TRPM1: variants seen among roughly 807,000 people sequenced by gnomAD.
TRPM1 encodes the protein transient receptor potential cation channel subfamily M member 1.
A neutral mutation model predicts 149.4 loss-of-function variants in TRPM1; 113 were observed. That is an observed-to-expected ratio of 0.76 (90% CI 0.65 to 0.88). The LOEUF is 0.88. TRPM1 is among the 40% of genes least tolerant of loss of function. The probability of loss-of-function intolerance (pLI) is 0.00; values close to 1 mark genes in which losing one functional copy is unlikely to be tolerated. For synonymous variants in TRPM1, 741 were observed against 759.5 expected (o/e 0.98, Z 0.40); for missense variants, 1,976 against 2,038.7 (o/e 0.97, Z 0.59).
intron 1 of TRPM1, among the ~76,000 whole-genome samples, chr15:31,143,335 A>G (rs1057366321): frequency 2.6e-5 from 4 of 152,192 alleles, no homozygotes; most frequent in Admixed American, 6.5e-5. Context: ...ACGAGTTTTT[A>G]CAGCTTTTTA....
At chr15:31,060,232 G>C (rs1238738003) in intron 11 of TRPM1, 2 of 437,464 alleles carry the variant, frequency 4.6e-6, no homozygotes, top group East Asian at 9.8e-5. Context: ...TGGAAGCATT[G>C]CATTAAATTT....
intron 1 of TRPM1, among the ~76,000 whole-genome samples, chr15:31,136,394 C>G (rs546516160): frequency 7.9e-5 from 12 of 152,214 alleles, no homozygotes; most frequent in African/African-American, 2.9e-4. Context: ...CATTTATAAT[C>G]GGAAGGCATT....
chr15:31,026,410 ATTTTTATCT>A, intron 26 of TRPM1, 139 bp from the exon 27 acceptor site: 1 of 1,049,734 alleles, frequency 9.5e-7, no homozygotes, highest in Admixed American at 2.0e-5. Flanking sequence ...ACTCCAATTG[ATTTTTATCT>A]AAAAAGGGGT....
chr15:31,035,522 G>T (rs775666180), intron 21 of TRPM1, 24 bp downstream of exon 21: 2 of 1,613,962 alleles, frequency 1.2e-6, no homozygotes, highest in South Asian at 1.1e-5. Context: ...TTAGTGGGCT[G>T]GGGGAGGCCT....
intron 1 of TRPM1, among the ~76,000 whole-genome samples, chr15:31,107,709 A>G (rs2035627495): frequency 6.6e-6 from 1 of 152,002 alleles, no homozygotes; most frequent in Non-Finnish European, 1.5e-5. Flanking sequence ...TTTCCCTCTG[A>G]GCACTATTTT....
chr15:31,046,591 C>T (rs997030400), intron 15 of TRPM1, among the ~76,000 whole-genome samples: 2 of 152,130 alleles, frequency 1.3e-5, no homozygotes, highest in African/African-American at 4.8e-5. Flanking sequence ...GGGAAAGGCA[C>T]TGATAGTGGG....
In TRPM1 at chr15:31,023,934, A is replaced by G. The variant is rs147579766; in HGVS notation, c.3629+2205T>C. Reference sequence around the variant, plus strand: ...GTTAGCATTTTATAGGTAAATTTCCAAACATTAGGAGAGAACCATGAATTT... The same window carrying G: ...GTTAGCATTTTATAGGTAAATTTCCGAACATTAGGAGAGAACCATGAATTT... On this transcript the variant is annotated intron_variant, in intron 27 of 27. Coordinates refer to ENST00000256552, the MANE Select transcript of TRPM1 (RefSeq NM_001252024.2). Among the ~76,000 whole-genome samples, 1,233 of 152,340 alleles carry G rather than the reference A, an allele frequency of 8.1e-3. 13 individuals carry two copies. The highest frequency in any genetic ancestry group is 0.025 in the African/African-American group (1,044 of 41,560).
intron 1 of TRPM1, among the ~76,000 whole-genome samples, chr15:31,109,890 AGGACAATAATGCT>A (rs1207044873): frequency 6.6e-6 from 1 of 152,154 alleles, no homozygotes; most frequent in Non-Finnish European, 1.5e-5. Flanking sequence ...GCAAAGAAAG[AGGACAATAATGCT>A]GGGGACAGAG....
rs8042443 is a variant in TRPM1 at position 31,046,158 on chromosome 15, A to G, written c.1794+46T>C. ...TACAGAACTTAAAAGGGCTATGTAT[A>G]TTTGACCAGGATATTATAAAACTGT... On this transcript the variant is annotated intron_variant, in intron 16 of 27. Transcript: ENST00000256552. 3.4e-3 allele frequency: 5,373 copies of G among 1,596,126 alleles called. 151 individuals are homozygous for G. The African/African-American group carries it at 0.059, about 18-fold the overall frequency.
intron 1 of TRPM1, among the ~76,000 whole-genome samples, chr15:31,090,722 A>G (rs2035213408): frequency 6.6e-6 from 1 of 152,064 alleles, no homozygotes; most frequent in Admixed American, 6.5e-5. Flanking sequence ...AAGCTTTACT[A>G]TTAAGGCCAT....
intron 1 of TRPM1, among the ~76,000 whole-genome samples, chr15:31,137,994 G>T (rs1263752276): frequency 6.6e-6 from 1 of 152,144 alleles, no homozygotes; most frequent in Non-Finnish European, 1.5e-5. Flanking sequence ...CCGCATGTGT[G>T]TGGGAACTGG....
At chr15:31,078,402 C>A (rs964981873) in intron 2 of TRPM1, among the ~76,000 whole-genome samples, 2 of 152,198 alleles carry the variant, frequency 1.3e-5, no homozygotes, top group African/African-American at 4.8e-5. Context: ...CAAGTACCCC[C>A]CAAACTCAGC....
chr15:31,006,074 T>C (rs564763502), intron 27 of TRPM1, among the ~76,000 whole-genome samples: 9 of 152,346 alleles, frequency 5.9e-5, no homozygotes, highest in African/African-American at 2.2e-4. Context: ...GAGTGAAAAA[T>C]ATTTTTCAGC....
chr15:31,138,441 T>C (rs1427276327), intron 1 of TRPM1, among the ~76,000 whole-genome samples: 1 of 152,200 alleles, frequency 6.6e-6, no homozygotes, highest in Admixed American at 6.5e-5. Flanking sequence ...AAAATTCAAT[T>C]GTGAGGGATA....
chr15:31,104,220 C>T (rs916562749), upstream of TRPM1, among the ~76,000 whole-genome samples: 21 of 152,056 alleles, frequency 1.4e-4, no homozygotes, highest in Non-Finnish European at 2.1e-4. Context: ...AATAAGAGGC[C>T]GGCTGGCGGT....
chr15:31,140,968 C>T (rs981936092), intron 1 of TRPM1, among the ~76,000 whole-genome samples: 6 of 151,800 alleles, frequency 4.0e-5, no homozygotes, highest in African/African-American at 1.2e-4. Context: ...ATAACAGGTG[C>T]GTACCACTGC....
intron 27 of TRPM1, among the ~76,000 whole-genome samples, chr15:31,005,482 T>C (rs2031956344): frequency 6.6e-6 from 1 of 152,096 alleles, no homozygotes; most frequent in Non-Finnish European, 1.5e-5. Flanking sequence ...CCCTCTGCAT[T>C]GAATCAGTTA....
intron 9 of TRPM1, among the ~76,000 whole-genome samples, chr15:31,061,933 C>G (rs2034244927): frequency 6.6e-6 from 1 of 152,172 alleles, no homozygotes; most frequent in African/African-American, 2.4e-5. Context: ...GGTGATCTGC[C>G]TGTCTCAGCC....
intron 15 of TRPM1, 121 bp downstream of exon 15, chr15:31,046,990 A>G: frequency 4.4e-6 from 6 of 1,377,006 alleles, no homozygotes; most frequent in Non-Finnish European, 4.1e-6. Context: ...AGGAGGCAGG[A>G]CAGCTGTGCT....
Sources: allele counts gnomAD v4.1 joint callset (sites outside exome capture counted in the v4.1 genomes callset), GRCh38; gene constraint gnomAD v4.1.1; transcripts MANE v1.5; gene names NCBI Gene and HGNC (gene_info 2026-07-23, HGNC 2026-07-21).